The following PAH variants were observed in gnomAD, a reference collection of about 807,000 sequenced individuals.
PAH encodes phenylalanine-4-hydroxylase.
Under a neutral mutation model 62.0 loss-of-function variants are expected in PAH, and 64 were observed. The ratio of observed to expected loss-of-function variants is 1.03; its 90% CI spans 0.84 to 1.27. The LOEUF (loss-of-function observed/expected upper bound fraction) is 1.27, where lower values mean the gene tolerates loss of function less well. Among genes scored for constraint, PAH ranks in the 50% most tolerant of loss-of-function variants. PAH has a pLI of 0.00. For synonymous variants in PAH, 195 were observed against 196.2 expected (o/e 0.99, Z 0.05); for missense variants, 579 against 542.8 (o/e 1.07, Z -0.66).
chr12:102,879,278 C>A (rs1876716674), intron 3 of PAH, among the ~76,000 whole-genome samples: 1 of 152,012 alleles, frequency 6.6e-6, no homozygotes, highest in Non-Finnish European at 1.5e-5. Context: ...TGATGAGAAA[C>A]AAGCAAAGGG....
At chr12:102,865,001 A>T (rs961303778) in intron 5 of PAH, among the ~76,000 whole-genome samples, 7 of 152,136 alleles carry the variant, frequency 4.6e-5, no homozygotes, top group African/African-American at 1.7e-4. Context: ...TTAGTTAATC[A>T]TGTGGGATTC....
chr12:102,854,898 A>C, intron 6 of PAH: 1 of 587,816 alleles, frequency 1.7e-6, no homozygotes, highest in Non-Finnish European at 3.1e-6. Flanking sequence ...GGACAGGTAC[A>C]CGGCAAAATC....
chr12:102,944,356 A>ATC (rs373495361), intron 1 of PAH, among the ~76,000 whole-genome samples: 2 of 151,756 alleles, frequency 1.3e-5, no homozygotes, highest in African/African-American at 4.8e-5. Context: ...TTCTACCCCC[A>ATC]TCTCTCTCTC....
chr12:102,888,635 C>G (rs886155211), intron 3 of PAH, among the ~76,000 whole-genome samples: 6 of 151,014 alleles, frequency 4.0e-5, no homozygotes, highest in Non-Finnish European at 5.9e-5. Flanking sequence ...GACAGTCTAC[C>G]AAGGATATGA....
chr12:102,882,601 CACAT>C (rs1168294183), intron 3 of PAH, among the ~76,000 whole-genome samples: 2 of 148,298 alleles, frequency 1.3e-5, no homozygotes, highest in Non-Finnish European at 3.0e-5. Flanking sequence ...CACGTATACA[CACAT>C]ACTATATATA....
chr12:102,910,837 C>A (rs999014832), intron 2 of PAH, among the ~76,000 whole-genome samples: 1 of 150,522 alleles, frequency 6.6e-6, no homozygotes, highest in Non-Finnish European at 1.5e-5. Flanking sequence ...TCTGGACCCA[C>A]GCAGCCTTCC....
intron 3 of PAH, among the ~76,000 whole-genome samples, chr12:102,879,382 G>A (rs1050291957): frequency 6.6e-6 from 1 of 151,536 alleles, no homozygotes. Flanking sequence ...GAAAGAGCAT[G>A]TGTGCTATCT....
chr12:102,917,281 A>T (rs966222835), upstream of PAH: 43 of 716,660 alleles, frequency 6.0e-5, no homozygotes, highest in Non-Finnish European at 9.9e-5. Context: ...ATCTCCGCAC[A>T]GTAACGCCCC....
intron 2 of PAH, among the ~76,000 whole-genome samples, chr12:102,895,717 T>C (rs1239841861): frequency 6.6e-6 from 1 of 151,756 alleles, no homozygotes; most frequent in East Asian, 1.9e-4. Context: ...GGCATGGTGG[T>C]GTGTGCCTGT....
chr12:102,941,201 C>A (rs1226988806), intron 1 of PAH, among the ~76,000 whole-genome samples: 1 of 152,102 alleles, frequency 6.6e-6, no homozygotes, highest in East Asian at 1.9e-4. Context: ...AAAACCATTA[C>A]TGGCCACAAC....
intron 1 of PAH, chr12:102,950,063 T>C (rs183487358): frequency 3.3e-5 from 5 of 152,374 alleles, no homozygotes; most frequent in Admixed American, 2.6e-4. Flanking sequence ...TCTGTCTGTT[T>C]GTACTTATTT....
At chr12:102,896,058 C>T (rs1186214651) in intron 2 of PAH, among the ~76,000 whole-genome samples, 2 of 151,932 alleles carry the variant, frequency 1.3e-5, no homozygotes, top group Admixed American at 1.3e-4. Context: ...AAACAACAAA[C>T]AGAAACTCAT....
intron 2 of PAH, among the ~76,000 whole-genome samples, chr12:102,901,521 T>G (rs1352082695): frequency 6.6e-6 from 1 of 152,232 alleles, no homozygotes; most frequent in Non-Finnish European, 1.5e-5. Context: ...CTCTGAAAGA[T>G]GGAGCACATC....
intron 1 of PAH, among the ~76,000 whole-genome samples, chr12:102,956,181 T>C (rs1201140536): frequency 6.6e-6 from 1 of 152,238 alleles, no homozygotes; most frequent in African/African-American, 2.4e-5. Flanking sequence ...GGATTATTTC[T>C]ACTGGAAAAT....
chr12:102,863,169 A>G (rs1263562259), intron 5 of PAH, among the ~76,000 whole-genome samples: 2 of 152,172 alleles, frequency 1.3e-5, no homozygotes, highest in Non-Finnish European at 2.9e-5. Flanking sequence ...TGGTGTGGAT[A>G]AATTTAAGTC....
intron 2 of PAH, among the ~76,000 whole-genome samples, chr12:102,903,019 T>C (rs1359081806): frequency 6.6e-6 from 1 of 152,204 alleles, no homozygotes. Context: ...GTCTTTTCTT[T>C]GTGTTTCTTT....
chr12:102,883,387 C>T (rs10778208), intron 3 of PAH, among the ~76,000 whole-genome samples: 26,911 of 152,094 alleles, frequency 0.18, 3,538 homozygotes, highest in East Asian at 0.69. Context: ...TGGCGCTCAG[C>T]GAACGCCAGA....
chr12:102,906,990 A>T (rs1878002976), intron 2 of PAH, among the ~76,000 whole-genome samples: 1 of 152,228 alleles, frequency 6.6e-6, no homozygotes, highest in African/African-American at 2.4e-5. Context: ...TAGAATTAGA[A>T]TGATCAGGAT....
chr12:102,859,943 A>G (rs946773040), intron 5 of PAH, among the ~76,000 whole-genome samples: 1 of 152,056 alleles, frequency 6.6e-6, no homozygotes, highest in African/African-American at 2.4e-5. Flanking sequence ...CTCTCTCACT[A>G]CTCCTATTCA....
Sources: allele counts gnomAD v4.1 joint callset (sites outside exome capture counted in the v4.1 genomes callset), GRCh38; gene constraint gnomAD v4.1.1; transcripts MANE v1.5; gene names NCBI Gene and HGNC (gene_info 2026-07-23, HGNC 2026-07-21).